ALOX5AP: variants seen among roughly 807,000 people sequenced by gnomAD.
ALOX5AP encodes arachidonate 5-lipoxygenase-activating protein.
ALOX5AP carries 9 observed loss-of-function variants against 18.5 expected under a neutral mutation model. The observed-to-expected ratio is 0.49, with a 90% CI of 0.29 to 0.85. The LOEUF is 0.85. Among genes scored for constraint, ALOX5AP ranks in the 40% least tolerant of loss-of-function variants. The probability of loss-of-function intolerance (pLI) is 0.08; values close to 1 mark genes in which losing one functional copy is unlikely to be tolerated. For synonymous variants in ALOX5AP, 81 were observed against 78.6 expected, an observed-to-expected ratio of 1.03 and a Z score of -0.16; for missense variants, 172 against 202.5, an observed-to-expected ratio of 0.85 and a Z score of 0.91.
intron 1 of ALOX5AP, among the ~76,000 whole-genome samples, chr13:30,714,313 C>T (rs1170257527): frequency 6.6e-6 from 1 of 151,610 alleles, no homozygotes; most frequent in African/African-American, 2.4e-5. Flanking sequence ...CTACTCTTTC[C>T]TGAGAAAGGC....
intron 1 of ALOX5AP, among the ~76,000 whole-genome samples, chr13:30,728,303 A>G (rs1284800224): frequency 1.3e-5 from 2 of 152,120 alleles, no homozygotes; most frequent in Non-Finnish European, 2.9e-5. Flanking sequence ...ATTCCCCAAA[A>G]CTGTAAAACA....
At chr13:30,715,011 C>T (rs1951538921) in intron 1 of ALOX5AP, among the ~76,000 whole-genome samples, 1 of 152,170 alleles carries the variant, frequency 6.6e-6, no homozygotes, top group Admixed American at 6.5e-5. Flanking sequence ...TCCTGAGGCA[C>T]CACAACACAT....
At chr13:30,756,536 C>CA (rs1022340287) in intron 4 of ALOX5AP, among the ~76,000 whole-genome samples, 18 of 152,288 alleles carry the variant, frequency 1.2e-4, no homozygotes, top group African/African-American at 4.3e-4. Flanking sequence ...CAGCAGGGTG[C>CA]AGCGGCTCAC....
intron 4 of ALOX5AP, among the ~76,000 whole-genome samples, chr13:30,760,966 G>A (rs923518285): frequency 6.6e-6 from 1 of 152,182 alleles, no homozygotes; most frequent in African/African-American, 2.4e-5. Context: ...TAATGACCCT[G>A]GTGTGCGCTG....
At chr13:30,759,873 T>C (rs1420884572) in intron 4 of ALOX5AP, among the ~76,000 whole-genome samples, 2 of 152,230 alleles carry the variant, frequency 1.3e-5, no homozygotes, top group Admixed American at 1.3e-4. Flanking sequence ...CCCAGACTTA[T>C]GAATCAGAAT....
chr13:30,714,691 G>T (rs1951536167), intron 1 of ALOX5AP, among the ~76,000 whole-genome samples: 1 of 152,110 alleles, frequency 6.6e-6, no homozygotes, highest in Non-Finnish European at 1.5e-5. Context: ...GAAGATCCTA[G>T]ATGTGGGAAA....
At chr13:30,721,557 C>G (rs1951594104) in intron 1 of ALOX5AP, among the ~76,000 whole-genome samples, 1 of 152,060 alleles carries the variant, frequency 6.6e-6, no homozygotes, top group Non-Finnish European at 1.5e-5. Context: ...CCATGGCCAC[C>G]ACCCTAGTCT....
chr13:30,755,085 C>A (rs192783428), intron 3 of ALOX5AP, among the ~76,000 whole-genome samples: 1 of 152,108 alleles, frequency 6.6e-6, no homozygotes, highest in African/African-American at 2.4e-5. Context: ...GGCAGTTTCC[C>A]AAAAAGCTAG....
intron 1 of ALOX5AP, among the ~76,000 whole-genome samples, chr13:30,742,984 C>G (rs1951780048): frequency 6.6e-6 from 1 of 151,352 alleles, no homozygotes; most frequent in Admixed American, 6.6e-5. Context: ...TATCCTGGAT[C>G]TGATTCTGCT....
At chr13:30,732,595 C>T (rs1172289405), upstream of ALOX5AP, among the ~76,000 whole-genome samples, 1 of 152,150 alleles carries the variant, frequency 6.6e-6, no homozygotes, top group Admixed American at 6.5e-5. Flanking sequence ...TCTGGTTGAC[C>T]TCTCCAAGAA....
chr13:30,713,945 C>A, intron 1 of ALOX5AP: 1 of 1,296,538 alleles, frequency 7.7e-7, no homozygotes, highest in South Asian at 1.4e-5. Context: ...TTTTTAAGAA[C>A]CGAGGCTCCC....
chr13:30,733,175 AAGAG>A (rs1313649924), upstream of ALOX5AP, among the ~76,000 whole-genome samples: 2 of 151,538 alleles, frequency 1.3e-5, no homozygotes, highest in Non-Finnish European at 2.9e-5. Flanking sequence ...AAAAAAAAAA[AAGAG>A]AGGAAGGGCG....
chr13:30,755,164 C>T (rs529785031), intron 3 of ALOX5AP, among the ~76,000 whole-genome samples: 78 of 150,438 alleles, frequency 5.2e-4, no homozygotes, highest in African/African-American at 1.4e-3. Flanking sequence ...AAGGCTAGAA[C>T]GCAGAGGGAA....
chr13:30,734,663 G>T (rs1951706682), upstream of ALOX5AP, among the ~76,000 whole-genome samples: 1 of 152,212 alleles, frequency 6.6e-6, no homozygotes, highest in South Asian at 2.1e-4. Flanking sequence ...TTCCAGGAAG[G>T]TGTTTCTGCG....
At chr13:30,722,114 A>T (rs1951598744) in intron 1 of ALOX5AP, among the ~76,000 whole-genome samples, 1 of 152,228 alleles carries the variant, frequency 6.6e-6, no homozygotes, top group Non-Finnish European at 1.5e-5. Flanking sequence ...AATAAGATAG[A>T]AGTCGAAGTT....
At chr13:30,715,715 G>A (rs1254519799) in intron 1 of ALOX5AP, among the ~76,000 whole-genome samples, 1 of 152,180 alleles carries the variant, frequency 6.6e-6, no homozygotes. Flanking sequence ...CAGATGCCGA[G>A]GCATTTTGAA....
intron 2 of ALOX5AP, among the ~76,000 whole-genome samples, chr13:30,747,396 C>T (rs1187010535): frequency 2.6e-5 from 4 of 152,194 alleles, no homozygotes; most frequent in Non-Finnish European, 5.9e-5. Flanking sequence ...TGGTCTTGAA[C>T]TCCTGACCTC....
chr13:30,762,169 T>C (rs1296965988), intron 4 of ALOX5AP, among the ~76,000 whole-genome samples: 3 of 152,162 alleles, frequency 2.0e-5, no homozygotes, highest in Non-Finnish European at 4.4e-5. Flanking sequence ...CAGAGGGACC[T>C]GAGATTTCCC....
chr13:30,744,878 G>A (rs1951797189), intron 2 of ALOX5AP, among the ~76,000 whole-genome samples: 1 of 152,184 alleles, frequency 6.6e-6, no homozygotes, highest in Admixed American at 6.5e-5. Flanking sequence ...ACGGACTAGG[G>A]GCCTGTCACA....
Sources: allele counts gnomAD v4.1 joint callset (sites outside exome capture counted in the v4.1 genomes callset), GRCh38; gene constraint gnomAD v4.1.1; transcripts MANE v1.5; gene names NCBI Gene and HGNC (gene_info 2026-07-23, HGNC 2026-07-21).